NOS1AP: variants seen among roughly 807,000 people sequenced by gnomAD.
The protein encoded by NOS1AP is carboxyl-terminal PDZ ligand of neuronal nitric oxide synthase protein.
NOS1AP carries 21 observed loss-of-function variants against 56.2 expected under a neutral mutation model. The observed-to-expected ratio is 0.37, with a 90% CI of 0.26 to 0.54. The LOEUF (loss-of-function observed/expected upper bound fraction) is 0.54. Ranked by LOEUF, NOS1AP falls within the 20% of genes least tolerant of loss-of-function variation. The probability of loss-of-function intolerance (pLI) is 0.84; values close to 1 mark genes in which losing one functional copy is unlikely to be tolerated. For synonymous variants in NOS1AP, 270 were observed against 274.6 expected, an observed-to-expected ratio of 0.98 and a Z score of 0.17; for missense variants, 522 against 657.8, an observed-to-expected ratio of 0.79 and a Z score of 2.26.
intron 1 of NOS1AP, among the ~76,000 whole-genome samples, chr1:162,093,581 A>G (rs1692178397): frequency 6.6e-6 from 1 of 151,938 alleles, no homozygotes. Flanking sequence ...TTTTGCCGCT[A>G]TCTCACTTTG....
At chr1:162,146,241 T>C (rs1649461782) in intron 1 of NOS1AP, among the ~76,000 whole-genome samples, 1 of 152,214 alleles carries the variant, frequency 6.6e-6, no homozygotes, top group African/African-American at 2.4e-5. Context: ...CATGTTTTCT[T>C]GTTCTTAATG....
In NOS1AP at chr1:162,249,893, T is replaced by A. The variant is rs571596056; in HGVS notation, c.178-37451T>A. Among the ~76,000 whole-genome samples, 3 of 152,152 alleles carry A rather than the reference T, an allele frequency of 2.0e-5. No individual in the cohort carries two copies. In the South Asian group the frequency reaches 6.2e-4, roughly 32 times the overall value. On this transcript the variant is annotated intron_variant, in intron 2 of 9. Coordinates refer to ENST00000361897, the MANE Select transcript of NOS1AP (RefSeq NM_014697.3). ...AATGGGGACAACTTCCCTGAAGAAG[T>A]GATAGATGAGTAGCAGTGAATGGGC...
At chr1:162,331,590 C>T (rs1656773037) in intron 4 of NOS1AP, among the ~76,000 whole-genome samples, 1 of 152,164 alleles carries the variant, frequency 6.6e-6, no homozygotes, top group Admixed American at 6.5e-5. Flanking sequence ...AAGTTGTAGA[C>T]TCTCAATCCC....
intron 8 of NOS1AP, chr1:162,364,167 A>C: frequency 1.0e-6 from 1 of 985,428 alleles, no homozygotes; most frequent in Non-Finnish European, 1.2e-6. Context: ...TTGTTTTCTG[A>C]GCAAGGGAAT....
chr1:162,238,942 G>A (rs560850063), intron 2 of NOS1AP, among the ~76,000 whole-genome samples: 9 of 152,246 alleles, frequency 5.9e-5, no homozygotes, highest in African/African-American at 2.2e-4. Flanking sequence ...TCAATATATT[G>A]TGTTATTTAT....
intron 4 of NOS1AP, among the ~76,000 whole-genome samples, chr1:162,328,318 A>G (rs1444454674): frequency 6.6e-6 from 1 of 152,230 alleles, no homozygotes; most frequent in Non-Finnish European, 1.5e-5. Flanking sequence ...GCACACATTT[A>G]CCTATGTAAC....
At chr1:162,264,755 C>T (rs1428436431) in intron 2 of NOS1AP, among the ~76,000 whole-genome samples, 2 of 150,774 alleles carry the variant, frequency 1.3e-5, no homozygotes, top group African/African-American at 4.9e-5. Context: ...GATCCACCTG[C>T]CTGAGCCTCC....
chr1:162,328,303 C>G (rs1408222968), intron 4 of NOS1AP, among the ~76,000 whole-genome samples: 1 of 152,204 alleles, frequency 6.6e-6, no homozygotes, highest in African/African-American at 2.4e-5. Context: ...CAGCAAATCA[C>G]CATGGCACAC....
chr1:162,198,834 CTG>C (rs1337075000), intron 2 of NOS1AP, among the ~76,000 whole-genome samples: 2 of 152,118 alleles, frequency 1.3e-5, no homozygotes, highest in Non-Finnish European at 2.9e-5. Flanking sequence ...CTGGAGGACA[CTG>C]TGCACCAGCA....
chr1:162,177,171 G>A (rs1031984946), intron 2 of NOS1AP, among the ~76,000 whole-genome samples: 3 of 152,154 alleles, frequency 2.0e-5, no homozygotes, highest in African/African-American at 7.2e-5. Context: ...TTTTAATCCA[G>A]GAGGTGATAT....
rs114210610 is a variant in NOS1AP at position 162,235,683 on chromosome 1, T to G, written c.178-51661T>G. 5.3e-5 allele frequency among the ~76,000 whole-genome samples: 8 copies of G among 152,290 alleles called. No individual in the cohort carries two copies. The East Asian group carries it at 1.6e-3, about 30-fold the overall frequency. ...ACGTGGTTTTAATTAAGCAGAGTAGTGACTGCATCACTAGAGGCCAAGGGG... is the reference window on the plus strand; with the variant it reads ...ACGTGGTTTTAATTAAGCAGAGTAGGGACTGCATCACTAGAGGCCAAGGGG... On this transcript the variant is annotated intron_variant, in intron 2 of 9. Transcript: ENST00000361897.
intron 2 of NOS1AP, among the ~76,000 whole-genome samples, chr1:162,274,533 T>C (rs1362948851): frequency 6.6e-6 from 1 of 152,212 alleles, no homozygotes; most frequent in Non-Finnish European, 1.5e-5. Flanking sequence ...TTCTAATATG[T>C]ATATAGTGGG....
chr1:162,281,308 C>T (rs1406141954), intron 2 of NOS1AP, among the ~76,000 whole-genome samples: 2 of 152,204 alleles, frequency 1.3e-5, no homozygotes, highest in South Asian at 2.1e-4. Flanking sequence ...AGTGCCTTTT[C>T]TTGGGCTCTG....
chr1:162,141,677 T>C (rs1307831347), intron 1 of NOS1AP, among the ~76,000 whole-genome samples: 1 of 152,240 alleles, frequency 6.6e-6, no homozygotes, highest in African/African-American at 2.4e-5. Flanking sequence ...TCTCTTTCTT[T>C]CCACCTTTTG....
intron 3 of NOS1AP, among the ~76,000 whole-genome samples, chr1:162,290,981 G>T (rs1169854641): frequency 6.6e-6 from 1 of 151,432 alleles, no homozygotes; most frequent in Non-Finnish European, 1.5e-5. Flanking sequence ...TGTATATATA[G>T]GTCACCTGTA....
At chr1:162,200,518 G>A (rs1043517422) in intron 2 of NOS1AP, among the ~76,000 whole-genome samples, 1 of 152,210 alleles carries the variant, frequency 6.6e-6, no homozygotes, top group Admixed American at 6.5e-5. Context: ...CTGGGGCCTG[G>A]CATTAGGGAG....
chr1:162,226,977 A>G (rs562163096), intron 2 of NOS1AP, among the ~76,000 whole-genome samples: 14 of 152,112 alleles, frequency 9.2e-5, no homozygotes, highest in African/African-American at 3.4e-4. Context: ...GGAAGAATAT[A>G]CAGGCCATCA....
chr1:162,225,295 G>C (rs1652904991), intron 2 of NOS1AP, among the ~76,000 whole-genome samples: 3 of 152,176 alleles, frequency 2.0e-5, no homozygotes. Flanking sequence ...GTGGGGCAGT[G>C]TGCCTTCTGT....
rs569984846 is a variant in NOS1AP at position 162,255,367 on chromosome 1, C to T, written c.178-31977C>T. On this transcript the variant is annotated intron_variant, in intron 2 of 9. Coordinates refer to ENST00000361897, the MANE Select transcript of NOS1AP (RefSeq NM_014697.3). ...GCCCTGGCCAAACTGAATTCAGTGT[C>T]CTAGACTCTTCCCCAAACAGTGTTC... Among the ~76,000 whole-genome samples, 22 of 152,246 alleles carry T rather than the reference C, an allele frequency of 1.4e-4. 1 individual carries two copies. The South Asian group carries it at 3.5e-3, about 24-fold the overall frequency.
Sources: allele counts gnomAD v4.1 joint callset (sites outside exome capture counted in the v4.1 genomes callset), GRCh38; gene constraint gnomAD v4.1.1; transcripts MANE v1.5; gene names NCBI Gene and HGNC (gene_info 2026-07-23, HGNC 2026-07-21).